The following CRACDL variants were observed in gnomAD, a reference collection of about 807,000 sequenced individuals.
CRACDL encodes the protein CRACD-like protein.
CRACDL carries 26 observed loss-of-function variants against 70.6 expected under a neutral mutation model. The observed-to-expected ratio is 0.37, with a 90% CI of 0.27 to 0.51. The LOEUF (loss-of-function observed/expected upper bound fraction) is 0.51, where lower values mean the gene tolerates loss of function less well. Ranked by LOEUF, CRACDL falls within the 20% of genes least tolerant of loss-of-function variation. The pLI is 0.94. For missense variants in CRACDL, 1,283 were observed against 1,376.9 expected, an observed-to-expected ratio of 0.93 and a Z score of 1.08; for synonymous variants, 618 against 615.2, an observed-to-expected ratio of 1.00 and a Z score of -0.07.
rs997130982 is a variant in CRACDL, at chr2:98,823,269, C to A, written c.1004G>T (p.Arg335Leu). Residue 335 changes from arginine to leucine, a missense_variant, in exon 7 of 10, where the codon CGC becomes CTC. Arg to Leu is a moderately radical substitution (Grantham distance 102, BLOSUM62 -2). Coordinates refer to ENST00000397899, the MANE Select transcript of CRACDL (RefSeq NM_207362.3). The surrounding 1 kb of genome is among the most constrained non-coding windows in gnomAD (Gnocchi z 4.0). ...CTCGGCGAGCTCCGGGGTGGCCGGG[C>A]GGCTTGAGGGGTCCTCCCCGGGGAC... ...GGVPGEDPSS[R>L]PATPELAEPE... is the part of the protein sequence containing the mutation. 1 of 1,405,314 alleles carries A rather than the reference C, an allele frequency of 7.1e-7. No individual in the cohort carries two copies. Among genetic ancestry groups the A allele is most frequent in the Non-Finnish European group, 9.2e-7 (1 of 1,089,340 alleles). 87.1% of individuals were successfully genotyped at this position (1,405,314 alleles called of 1,614,324 possible). A position where few individuals can be genotyped will look rare whatever the true frequency, so the allele number is the denominator to read the frequency against.
intron 3 of CRACDL, among the ~76,000 whole-genome samples, chr2:98,836,014 T>C (rs1705763955): frequency 6.6e-6 from 1 of 152,032 alleles, no homozygotes; most frequent in African/African-American, 2.4e-5. Context: ...GTACCGGGAA[T>C]TGGGAGAATA....
At chr2:98,933,955 C>A (rs549823181) in intron 1 of CRACDL, among the ~76,000 whole-genome samples, 3 of 152,118 alleles carry the variant, frequency 2.0e-5, no homozygotes, top group African/African-American at 7.2e-5. Context: ...TCATAGAAGG[C>A]GCCTCCTCAC....
intron 1 of CRACDL, among the ~76,000 whole-genome samples, chr2:98,902,116 G>A (rs1038034650): frequency 6.6e-6 from 1 of 152,180 alleles, no homozygotes; most frequent in South Asian, 2.1e-4. Context: ...GACACTGACC[G>A]ATCCTAAACT....
At chr2:98,904,015 C>T (rs558747885) in intron 1 of CRACDL, among the ~76,000 whole-genome samples, 7 of 152,282 alleles carry the variant, frequency 4.6e-5, no homozygotes, top group Admixed American at 6.5e-5. Flanking sequence ...GACACAGCCT[C>T]ATGTAAGAGA....
At chr2:98,921,093 C>T (rs1385250292) in intron 1 of CRACDL, among the ~76,000 whole-genome samples, 1 of 152,330 alleles carries the variant, frequency 6.6e-6, no homozygotes, top group South Asian at 2.1e-4. Context: ...ACCTTTCCAA[C>T]AAGAGAGGAG....
intron 1 of CRACDL, among the ~76,000 whole-genome samples, chr2:98,873,941 G>T (rs1318932728): frequency 2.6e-5 from 4 of 152,228 alleles, no homozygotes; most frequent in Admixed American, 2.6e-4. Context: ...AGGAGGCAGA[G>T]GTTGCAGTGA....
At chr2:98,918,080 A>G (rs550821607) in intron 1 of CRACDL, among the ~76,000 whole-genome samples, 3 of 152,360 alleles carry the variant, frequency 2.0e-5, no homozygotes, top group East Asian at 3.9e-4. Context: ...TGTGATGAAC[A>G]TAAAAGTGCA....
chr2:98,922,318 T>TA (rs1182982050), intron 1 of CRACDL, among the ~76,000 whole-genome samples: 1 of 151,012 alleles, frequency 6.6e-6, no homozygotes, highest in African/African-American at 2.4e-5. Flanking sequence ...TGCACGCCTG[T>TA]AGTCCCAGCT....
At chr2:98,854,292 A>G (rs892867331) in intron 1 of CRACDL, among the ~76,000 whole-genome samples, 36 of 150,534 alleles carry the variant, frequency 2.4e-4, no homozygotes, top group Non-Finnish European at 4.3e-4. Context: ...AAAAAAAAAA[A>G]AAAAAAAAGA....
At chr2:98,832,629 G>T (rs1204173534) in intron 4 of CRACDL, 117 bp from the exon 5 acceptor site, 6 of 1,054,090 alleles carry the variant, frequency 5.7e-6, no homozygotes, top group Non-Finnish European at 7.0e-6. Flanking sequence ...GTGGTGCAGA[G>T]AACTGAACTG....
In CRACDL at chr2:98,822,738, G is replaced by A. The variant is rs1210485267; in HGVS notation, c.1535C>T (p.Ser512Phe). 3 of 1,261,522 alleles carry A rather than the reference G, an allele frequency of 2.4e-6. No individual in the cohort carries two copies. The highest frequency in any genetic ancestry group is 6.3e-5 in the South Asian group (2 of 31,520). 78.1% of individuals were successfully genotyped at this position (1,261,522 alleles called of 1,614,324 possible). The change falls in exon 7 of 10, where the codon TCC becomes TTC. Residue 512 changes from serine to phenylalanine, a missense_variant. Around this residue, in one of 2 missense-constraint regions of CRACDL, gnomAD observed 921 missense variants for 881.9 expected, o/e 1.04. Coordinates refer to ENST00000397899, the MANE Select transcript of CRACDL (RefSeq NM_207362.3). This position sits in a 1 kb window ranked among gnomAD's most constrained non-coding sequence, Gnocchi z 4.9. ...AGACTCCGCAGCGGCAAGCGGCGGG[G>A]ACGCGGCGGGGCCCTCGCTGGCGGC... The part of the protein sequence containing the change: ...PAAASEGPAA[S>F]PPLAAAESPP...
intron 1 of CRACDL, among the ~76,000 whole-genome samples, chr2:98,892,350 T>A (rs1416841047): frequency 6.6e-6 from 1 of 152,006 alleles, no homozygotes; most frequent in Non-Finnish European, 1.5e-5. Context: ...GTAGATCTAT[T>A]TATGGACATA....
intron 7 of CRACDL, among the ~76,000 whole-genome samples, chr2:98,800,628 T>C (rs140573700): frequency 9.2e-5 from 14 of 152,326 alleles, no homozygotes; most frequent in East Asian, 3.9e-4. Context: ...AAGTCTGTTC[T>C]GGTCAGTCTC....
At chr2:98,905,944 C>A (rs773227156) in intron 1 of CRACDL, among the ~76,000 whole-genome samples, 6 of 151,926 alleles carry the variant, frequency 3.9e-5, no homozygotes, top group African/African-American at 7.3e-5. Flanking sequence ...TTAAGTTTAC[C>A]CTGCTAGGGG....
intron 2 of CRACDL, among the ~76,000 whole-genome samples, chr2:98,842,407 AAT>A (rs1706067506): frequency 1.3e-5 from 2 of 151,938 alleles, no homozygotes; most frequent in South Asian, 4.2e-4. Context: ...TATTTCTAAA[AAT>A]TCCTTTGTTT....
rs768234946 is a variant in CRACDL, at chr2:98,822,942, G to A, written c.1331C>T (p.Pro444Leu). 20 of 1,460,774 alleles carry A rather than the reference G, an allele frequency of 1.4e-5. No homozygotes were observed. The South Asian group carries it at 1.8e-4, about 13-fold the overall frequency. 90.5% of individuals were successfully genotyped at this position (1,460,774 alleles called of 1,614,324 possible). A position where few individuals can be genotyped will look rare whatever the true frequency, so the allele number is the denominator to read the frequency against. The change falls in exon 7 of 10, where the codon CCC (proline) becomes CTC (leucine). Residue 444 changes from proline to leucine, a missense_variant. By Grantham distance (98) the Pro-to-Leu change is moderately conservative. This residue lies in a region of CRACDL where 921 missense variants were observed against 881.9 expected (regional missense o/e 1.04). Transcript: ENST00000397899. The surrounding 1 kb of genome is among the most constrained non-coding windows in gnomAD (Gnocchi z 4.9). ...CCCCTTCTCCTCATCCGGGAGCACGGGCGGCGTCGGCTCCGCTTCCTTCGG... is the reference window on the plus strand; with the variant it reads ...CCCCTTCTCCTCATCCGGGAGCACGAGCGGCGTCGGCTCCGCTTCCTTCGG... ...SVPKEAEPTP[P>L]VLPDEEKGPP... is the part of the protein sequence containing the mutation.
intron 1 of CRACDL, among the ~76,000 whole-genome samples, chr2:98,900,936 T>TA (rs1708263182): frequency 6.6e-6 from 1 of 152,120 alleles, no homozygotes; most frequent in African/African-American, 2.4e-5. Flanking sequence ...CTCCACCTTC[T>TA]ATAATGGTGC....
intron 6 of CRACDL, among the ~76,000 whole-genome samples, chr2:98,826,244 G>A (rs1297810005): frequency 6.6e-6 from 1 of 152,232 alleles, no homozygotes; most frequent in Non-Finnish European, 1.5e-5. Context: ...TCCGAGGCAT[G>A]CTCCCCATGC....
chr2:98,838,693 A>T (rs1705899513), intron 2 of CRACDL, among the ~76,000 whole-genome samples: 1 of 152,242 alleles, frequency 6.6e-6, no homozygotes, highest in Non-Finnish European at 1.5e-5. Context: ...AATAAAAATT[A>T]TGAATTGCTT....
Sources: allele counts gnomAD v4.1 joint callset (sites outside exome capture counted in the v4.1 genomes callset), GRCh38; gene constraint gnomAD v4.1.1; regional missense constraint gnomAD v4.1.1; non-coding constraint Gnocchi (gnomAD v3.1); transcripts MANE v1.5; gene names NCBI Gene and HGNC (gene_info 2026-07-23, HGNC 2026-07-21).